The following CPS1 variants were observed in gnomAD, a reference collection of about 807,000 sequenced individuals.
The protein encoded by CPS1 is carbamoyl-phosphate synthase 1.
CPS1 carries 109 observed loss-of-function variants against 174.6 expected under a neutral mutation model. The observed-to-expected ratio is 0.62, with a 90% confidence interval of 0.53 to 0.73. The LOEUF (loss-of-function observed/expected upper bound fraction) is 0.73. CPS1 is among the 30% of genes least tolerant of loss of function. The pLI is 0.00. For missense variants in CPS1, 1,689 were observed against 1,821.9 expected (o/e 0.93, Z 1.33); for synonymous variants, 637 against 632.0 (o/e 1.01, Z -0.12).
At chr2:210,576,591 A>C in intron 3 of CPS1, 101 bp downstream of exon 3, 1 of 1,208,324 alleles carries the variant, frequency 8.3e-7, no homozygotes. Context: ...TCAATACGGT[A>C]GTACAAATCA....
chr2:210,656,921 C>G (rs909502285), intron 30 of CPS1, among the ~76,000 whole-genome samples: 7 of 152,040 alleles, frequency 4.6e-5, no homozygotes, highest in African/African-American at 1.2e-4. Context: ...TGGACTCCAT[C>G]CCCCAGTTTC....
Position 210,674,749 on chromosome 2 carries a change from T to C in CPS1, c.4102-153T>C, listed in dbSNP as rs1394064152. The C allele has an allele frequency of 4.3e-6, 3 of 693,114 alleles. No homozygotes were observed. The African/African-American group carries it at 5.3e-5, about 12-fold the overall frequency. The allele number at this position is 693,114 out of a possible 1,614,324, so 42.9% of individuals were successfully genotyped here. A position where few individuals can be genotyped will look rare whatever the true frequency, so the allele number is the denominator to read the frequency against. On this transcript the variant is annotated intron_variant, in intron 34 of 37. Coordinates refer to ENST00000233072, the MANE Select transcript of CPS1 (RefSeq NM_001875.5). ...ATATAGCTAAAACTCACACTCACCATAGAAGGATAAAAGGATAAAACTTGT... is the reference window on the plus strand; with the variant it reads ...ATATAGCTAAAACTCACACTCACCACAGAAGGATAAAAGGATAAAACTTGT...
chr2:210,578,494 A>C lies in CPS1; in HGVS notation c.471+984A>C, dbSNP rs149629205. ...TACTTAAGTTAATGGACCTGCTTCAATTAACTTCATCTCCAGTGTTGCTGT... is the reference window on the plus strand; with the variant it reads ...TACTTAAGTTAATGGACCTGCTTCACTTAACTTCATCTCCAGTGTTGCTGT... On this transcript the variant is annotated intron_variant, in intron 4 of 37. Coordinates refer to ENST00000233072, the MANE Select transcript of CPS1 (RefSeq NM_001875.5). Among the ~76,000 whole-genome samples, 317 of 152,320 alleles carry C rather than the reference A, an allele frequency of 2.1e-3. 1 individual carries two copies. Among genetic ancestry groups the C allele is most frequent in the African/African-American group, 7.4e-3 (306 of 41,570 alleles).
chr2:210,604,714 C>T (rs1227342896), intron 16 of CPS1, among the ~76,000 whole-genome samples: 1 of 151,874 alleles, frequency 6.6e-6, no homozygotes, highest in Admixed American at 6.6e-5. Context: ...TAGAGAGAGC[C>T]AGAGTCTTTA....
In CPS1 at chr2:210,639,182, A is replaced by G. The variant is rs780024178; in HGVS notation, c.2862A>G (p.Val954=). The G allele has an allele frequency of 1.2e-6, 2 of 1,613,428 alleles. No homozygotes were observed. Among genetic ancestry groups the G allele is most frequent in the Non-Finnish European group, 1.7e-6 (2 of 1,179,392 alleles). ...CACTGGCTGCAGAATACCCATCAGTAACAAACTATCTCTATGTTACCTACA... is the reference window on the plus strand; with the variant it reads ...CACTGGCTGCAGAATACCCATCAGTGACAAACTATCTCTATGTTACCTACA... ...IDTLAAEYPS[V]TNYLYVTYNG... The change falls in exon 23 of 38, where the codon GTA becomes GTG. Residue 954 remains valine (V), a synonymous_variant. Coordinates refer to ENST00000233072, the MANE Select transcript of CPS1 (RefSeq NM_001875.5).
At chr2:210,479,556 T>G (rs1694507023) in intron 1 of CPS1, among the ~76,000 whole-genome samples, 1 of 152,194 alleles carries the variant, frequency 6.6e-6, no homozygotes. Context: ...CTTGAACTCC[T>G]GACCTCAAGT....
intron 19 of CPS1, among the ~76,000 whole-genome samples, chr2:210,609,018 C>T (rs902599174): frequency 1.3e-5 from 2 of 151,896 alleles, no homozygotes; most frequent in Non-Finnish European, 1.5e-5. Context: ...TCATTCCCCA[C>T]ATCTATAAAA....
Position 210,590,165 on chromosome 2 carries a change from T to C in CPS1, c.771T>C (p.Asp257=), listed in dbSNP as rs373865114. The change falls in exon 8 of 38, where the codon GAT becomes GAC. Residue 257 remains aspartate, a synonymous_variant. Coordinates refer to ENST00000233072, the MANE Select transcript of CPS1 (RefSeq NM_001875.5). The stretch of plus-strand genomic sequence containing the variant: ...ATGATTTCACCAAGATGGAGTATGA[T>C]GGGATTTTGATCGCGGGAGGACCGG... ...WNHDFTKMEY[D]GILIAGGPGN... 142 of 1,612,806 alleles carry C rather than the reference T, an allele frequency of 8.8e-5. No homozygotes were observed. The highest frequency in any genetic ancestry group is 1.1e-4 in the Non-Finnish European group (132 of 1,179,230).
At chr2:210,493,216 G>A (rs1694912880) in intron 1 of CPS1, among the ~76,000 whole-genome samples, 1 of 152,094 alleles carries the variant, frequency 6.6e-6, no homozygotes, top group Non-Finnish European at 1.5e-5. Context: ...CTTCTGTTGG[G>A]TTCTCAGCTC....
chr2:210,676,015 T>C (rs1029924127), intron 36 of CPS1, among the ~76,000 whole-genome samples, 175 bp downstream of exon 36: 13 of 152,242 alleles, frequency 8.5e-5, no homozygotes, highest in African/African-American at 3.1e-4. Flanking sequence ...CATAACGTCA[T>C]GTGTACATGG....
intron 7 of CPS1, 105 bp from the exon 8 acceptor site, chr2:210,590,001 T>G: frequency 1.4e-6 from 2 of 1,466,844 alleles, no homozygotes; most frequent in Non-Finnish European, 1.9e-6. Context: ...TTTACAAATT[T>G]TTCCTTCCCT....
At chr2:210,602,555 G>A (rs1373559072) in intron 16 of CPS1, among the ~76,000 whole-genome samples, 1 of 151,856 alleles carries the variant, frequency 6.6e-6, no homozygotes, top group African/African-American at 2.4e-5. Flanking sequence ...GTAAACCAGT[G>A]GTCACTTTAC....
At chr2:210,561,947 A>G (rs1163975331) in intron 1 of CPS1, among the ~76,000 whole-genome samples, 2 of 152,196 alleles carry the variant, frequency 1.3e-5, no homozygotes, top group Non-Finnish European at 2.9e-5. Context: ...TTATGAAAGA[A>G]TTTTACTAAG....
chr2:210,548,513 T>C (rs1479787825), intron 1 of CPS1, among the ~76,000 whole-genome samples: 1 of 152,052 alleles, frequency 6.6e-6, no homozygotes, highest in South Asian at 2.1e-4. Context: ...CAAAAAACAA[T>C]ACCAGAATAA....
chr2:210,544,547 C>T (rs4280386), intron 1 of CPS1, among the ~76,000 whole-genome samples: 1 of 151,946 alleles, frequency 6.6e-6, no homozygotes, highest in African/African-American at 2.4e-5. Context: ...CTGCTTGTTG[C>T]TGAGCTTAAC....
At chr2:210,513,533 G>A (rs1291745296) in intron 1 of CPS1, among the ~76,000 whole-genome samples, 1 of 151,804 alleles carries the variant, frequency 6.6e-6, no homozygotes, top group East Asian at 1.9e-4. Flanking sequence ...TTTTAATGGG[G>A]TTAAGTTGGT....
At chr2:210,579,598 GT>G in intron 4 of CPS1, 115 bp from the exon 5 acceptor site, 1 of 801,192 alleles carries the variant, frequency 1.2e-6, no homozygotes, top group Non-Finnish European at 2.2e-6. Context: ...AAAAGAAAGA[GT>G]GGAGAAATTA....
intron 1 of CPS1, among the ~76,000 whole-genome samples, chr2:210,496,296 G>T (rs893124063): frequency 6.6e-6 from 1 of 152,136 alleles, no homozygotes; most frequent in Non-Finnish European, 1.5e-5. Context: ...GCCTTTGGTG[G>T]AAACAAGTCC....
At chr2:210,490,058 A>T (rs1694829891) in intron 1 of CPS1, among the ~76,000 whole-genome samples, 1 of 146,624 alleles carries the variant, frequency 6.8e-6, no homozygotes, top group Non-Finnish European at 1.5e-5. Flanking sequence ...GGAAGAAAGG[A>T]TGGAAGGAAG....
Sources: gnomAD v4.1 joint callset for allele counts (sites outside exome capture counted in the v4.1 genomes callset) on GRCh38, gnomAD v4.1.1 for gene constraint, MANE v1.5 for transcripts, NCBI Gene and HGNC (gene_info 2026-07-23, HGNC 2026-07-21) for gene names.